OR8G1: variants seen among roughly 807,000 people sequenced by gnomAD.
OR8G1 encodes the protein olfactory receptor family 8 subfamily G member 1.
For missense variants in OR8G1, 372 were observed against 356.2 expected (o/e 1.04, Z -0.36); for synonymous variants, 129 against 133.3 (o/e 0.97, Z 0.22).
intron 1 of OR8G1, among the ~76,000 whole-genome samples, chr11:124,241,668 T>G (rs1861762478): frequency 6.6e-6 from 1 of 152,084 alleles, no homozygotes; most frequent in South Asian, 2.1e-4. Flanking sequence ...CTGGACAATA[T>G]TTACATGATG....
At position 124,249,768 on chromosome 11, in the gene OR8G1, C is replaced by G; in HGVS notation, c.93C>G (p.Phe31Leu). 1 of 1,613,864 alleles carries G rather than the reference C, an allele frequency of 6.2e-7. No homozygotes were observed. Among genetic ancestry groups the G allele is most frequent in the Non-Finnish European group, 8.5e-7 (1 of 1,179,870 alleles). The change falls in exon 3 of 3, where the codon TTC becomes TTG. Residue 31 changes from phenylalanine (F) to leucine (L), a missense_variant. Physicochemically the swap from Phe to Leu is conservative, Grantham distance 22. Coordinates refer to ENST00000641972, the MANE Select transcript of OR8G1 (RefSeq NM_001002905.2). ...TCCAGCTGCCCCTCTTCCTCCTGTT[C>G]TTAGGAATCTATGTGGTCACAGTGG... ...PELQLPLFLLFLGIYVVTVVG... is the reference protein window; with the variant it reads ...PELQLPLFLLLLGIYVVTVVG...
chr11:124,248,136 A>G (rs1051581791), intron 2 of OR8G1, among the ~76,000 whole-genome samples: 1 of 151,970 alleles, frequency 6.6e-6, no homozygotes, highest in Non-Finnish European at 1.5e-5. Context: ...ATTTTCATAT[A>G]CTTAAGGACT....
At chr11:124,246,081 G>A (rs1380941434) in intron 1 of OR8G1, among the ~76,000 whole-genome samples, 1 of 151,006 alleles carries the variant, frequency 6.6e-6, no homozygotes, top group Non-Finnish European at 1.5e-5. Flanking sequence ...TAGGCATGAA[G>A]TCCTTGCCCA....
At chr11:124,247,226 G>A (rs1358560370) in intron 1 of OR8G1, among the ~76,000 whole-genome samples, 1 of 151,586 alleles carries the variant, frequency 6.6e-6, no homozygotes, top group African/African-American at 2.4e-5. Context: ...ATACCCAAAA[G>A]TTAATTTACT....
Position 124,248,237 on chromosome 11 carries a change from A to C in OR8G1, c.-17+357A>C, listed in dbSNP as rs7946143. Among the ~76,000 whole-genome samples, 78 of 151,740 alleles carry C rather than the reference A, an allele frequency of 5.1e-4. No individual in the cohort carries two copies. In the Middle Eastern group the frequency reaches 0.021, roughly 40 times the overall value. On this transcript the variant is annotated intron_variant, in intron 2 of 2. Coordinates refer to ENST00000641972, the MANE Select transcript of OR8G1 (RefSeq NM_001002905.2). ...CATATTAATTGTAAATATTATTTCT[A>C]TATTTTGAATAAAAGCCCTTTTTCA... is the stretch of plus-strand genomic sequence containing the variant.
In OR8G1 at chr11:124,254,041, T is replaced by C. The variant is rs1226320401; in HGVS notation, c.*3430T>C. The C allele has an allele frequency of 6.6e-6, 1 of 152,194 alleles. No homozygotes were observed. The highest frequency in any genetic ancestry group is 1.5e-5 in the Non-Finnish European group (1 of 68,022). The allele number at this position is 152,194 out of a possible 1,614,324, so 9.4% of individuals were successfully genotyped here. A position where few individuals can be genotyped will look rare whatever the true frequency, so the allele number is the denominator to read the frequency against. On this transcript the variant is annotated 3_prime_UTR_variant, in exon 3 of 3. Transcript: ENST00000641972. ...ATTTCTTTGACGTGCTGATTGTATT[T>C]TTTGAATATATACCCGATAGTGGTA...
In OR8G1 at chr11:124,254,309, C is replaced by T. The variant is rs555812813; in HGVS notation, c.*3698C>T. 9.9e-5 allele frequency: 15 copies of T among 152,116 alleles called. No individual in the cohort carries two copies. The highest frequency in any genetic ancestry group is 2.1e-4 in the Non-Finnish European group (14 of 67,994). 9.4% of individuals were successfully genotyped at this position (152,116 alleles called of 1,614,324 possible). On this transcript the variant is annotated 3_prime_UTR_variant, in exon 3 of 3. Coordinates refer to ENST00000641972, the MANE Select transcript of OR8G1 (RefSeq NM_001002905.2). ...GTAATTTTGAACACTTTTTCATATA[C>T]CTGTTGACCATTTTTATGTCTTCTT... is the stretch of plus-strand genomic sequence containing the variant.
rs947777938 is a variant in OR8G1 at position 124,248,687 on chromosome 11, A to G, written c.-17+807A>G. On this transcript the variant is annotated intron_variant, in intron 2 of 2. Transcript: ENST00000641972. ...CTATATTTTAAATTCCATATATTCT[A>G]AATGTATGCCTGTTTTTTGTACTTC... Among the ~76,000 whole-genome samples the G allele has an allele frequency of 3.3e-5, 5 of 152,072 alleles. No homozygotes were observed. The East Asian group carries it at 7.7e-4, about 23-fold the overall frequency.
Position 124,247,941 on chromosome 11 carries a change from T to C in OR8G1, c.-17+61T>C, listed in dbSNP as rs918779641. ...GTGTCTGTTTAAATTTATACTAAAT[T>C]GCCAACATCTTTTCCAAAGTGGTTG... is the stretch of plus-strand genomic sequence containing the variant. On this transcript the variant is annotated intron_variant, in intron 2 of 2. Transcript: ENST00000641972. The C allele has an allele frequency of 2.2e-4, 33 of 151,920 alleles. 1 individual carries two copies. The highest frequency in any genetic ancestry group is 7.4e-5 in the Non-Finnish European group (5 of 67,896). 9.4% of individuals were successfully genotyped at this position (151,920 alleles called of 1,614,324 possible). A position where few individuals can be genotyped will look rare whatever the true frequency, so the allele number is the denominator to read the frequency against.
At chr11:124,247,522 T>A (rs2466644) in intron 1 of OR8G1, among the ~76,000 whole-genome samples, 5 of 151,148 alleles carry the variant, frequency 3.3e-5, no homozygotes, top group South Asian at 2.1e-4. Context: ...CTAAAAATTC[T>A]CACAGAGAGA....
At position 124,251,991 on chromosome 11, in the gene OR8G1, A is replaced by G. The variant is rs2137752035; in HGVS notation, c.*1380A>G. 1 of 152,436 alleles carries G rather than the reference A, an allele frequency of 6.6e-6. No individual in the cohort carries two copies. Among genetic ancestry groups the G allele is most frequent in the South Asian group, 2.1e-4 (1 of 4,834 alleles). The allele number at this position is 152,436 out of a possible 1,614,324, so 9.4% of individuals were successfully genotyped here. On this transcript the variant is annotated 3_prime_UTR_variant, in exon 3 of 3. Coordinates refer to ENST00000641972, the MANE Select transcript of OR8G1 (RefSeq NM_001002905.2). ...GGGCTGGTTAAGTTGCTTTGATCAG[A>G]TTCCAGGTAATGCAGCTTACTCTGT...
rs953473553 is a variant in OR8G1, at chr11:124,252,592, G to A, written c.*1981G>A. 6.6e-6 allele frequency: 1 copy of A among 152,048 alleles called. No homozygotes were observed. The highest frequency in any genetic ancestry group is 6.6e-5 in the Admixed American group (1 of 15,238). 9.4% of individuals were successfully genotyped at this position (152,048 alleles called of 1,614,324 possible). On this transcript the variant is annotated 3_prime_UTR_variant, in exon 3 of 3. Coordinates refer to ENST00000641972, the MANE Select transcript of OR8G1 (RefSeq NM_001002905.2). Reference sequence around the variant, plus strand: ...CCTTGCTTCAATGGACTATAAGCTCGAGTAGAGAATACACACTCAAATATT... The same window carrying A: ...CCTTGCTTCAATGGACTATAAGCTCAAGTAGAGAATACACACTCAAATATT...
At chr11:124,249,608 G>C in intron 2 of OR8G1, 52 bp from the exon 3 acceptor site, 1 of 1,487,432 alleles carries the variant, frequency 6.7e-7, no homozygotes, top group Non-Finnish European at 8.9e-7. Flanking sequence ...GAATAATAAA[G>C]TCCCTCCCAC....
chr11:124,247,626 T>C (rs1272089283), intron 1 of OR8G1, among the ~76,000 whole-genome samples, 175 bp from the exon 2 acceptor site: 1 of 151,876 alleles, frequency 6.6e-6, no homozygotes, highest in African/African-American at 2.4e-5. Context: ...TTTTGAGATT[T>C]GTGTTATTGC....
intron 2 of OR8G1, among the ~76,000 whole-genome samples, chr11:124,248,235 C>A (rs79573026): frequency 0.89 from 134,588 of 151,846 alleles, 59,842 homozygotes; most frequent in African/African-American, 0.96. Context: ...AATATTATTT[C>A]TATATTTTGA....
rs140624306 is a variant in OR8G1 at position 124,242,594 on chromosome 11, A to G, written c.-97+1230A>G. ...TTCCATGGCATATGAGTTGGAAGCT[A>G]TGTTACAGATCTTACATGGATTGCT... On this transcript the variant is annotated intron_variant, in intron 1 of 2. Coordinates refer to ENST00000641972, the MANE Select transcript of OR8G1 (RefSeq NM_001002905.2). 1.2e-3 allele frequency among the ~76,000 whole-genome samples: 182 copies of G among 152,100 alleles called. 2 individuals are homozygous for G. Among genetic ancestry groups the G allele is most frequent in the African/African-American group, 4.1e-3 (172 of 41,522 alleles).
rs574698811 is a variant in OR8G1, at chr11:124,253,059, T to G, written c.*2448T>G. On this transcript the variant is annotated 3_prime_UTR_variant, in exon 3 of 3. Transcript: ENST00000641972. ...TCCTTCTTCGCATTTTGACTCAAATTTGTAAACATTACTAAAAAATTAACA... is the reference window on the plus strand; with the variant it reads ...TCCTTCTTCGCATTTTGACTCAAATGTGTAAACATTACTAAAAAATTAACA... The G allele has an allele frequency of 6.6e-6, 1 of 152,316 alleles. No homozygotes were observed. Among genetic ancestry groups the G allele is most frequent in the Non-Finnish European group, 1.5e-5 (1 of 68,018 alleles). 9.4% of individuals were successfully genotyped at this position (152,316 alleles called of 1,614,324 possible).
rs1333443171 is a variant in OR8G1, at chr11:124,251,774, G to A, written c.*1163G>A. On this transcript the variant is annotated 3_prime_UTR_variant, in exon 3 of 3. Coordinates refer to ENST00000641972, the MANE Select transcript of OR8G1 (RefSeq NM_001002905.2). Reference sequence around the variant, plus strand: ...CTACCCTTAATTCTCTATGCCTAGAGCAGAACATAATTTTACCTGTGCTGG... The same window carrying A: ...CTACCCTTAATTCTCTATGCCTAGAACAGAACATAATTTTACCTGTGCTGG... 1 of 156,920 alleles carries A rather than the reference G, an allele frequency of 6.4e-6. No individual in the cohort carries two copies. The highest frequency in any genetic ancestry group is 1.4e-5 in the Non-Finnish European group (1 of 70,576). 9.7% of individuals were successfully genotyped at this position (156,920 alleles called of 1,614,324 possible).
In OR8G1 at chr11:124,246,639, A is replaced by G. The variant is rs1861813013; in HGVS notation, c.-96-1162A>G. 3.9e-5 allele frequency among the ~76,000 whole-genome samples: 6 copies of G among 151,980 alleles called. No individual in the cohort carries two copies. In the South Asian group the frequency reaches 1.2e-3, roughly 32 times the overall value. ...CAAGAGAAAAAAAACACTATGCACA[A>G]GAAAAATCTAAACAACATAATTAAT... On this transcript the variant is annotated intron_variant, in intron 1 of 2. Coordinates refer to ENST00000641972, the MANE Select transcript of OR8G1 (RefSeq NM_001002905.2).
Sources: gnomAD v4.1 joint callset for allele counts (sites outside exome capture counted in the v4.1 genomes callset) on GRCh38, gnomAD v4.1.1 for gene constraint, MANE v1.5 for transcripts, NCBI Gene and HGNC (gene_info 2026-07-23, HGNC 2026-07-21) for gene names.